CTCF: variants seen among roughly 807,000 people sequenced by gnomAD.
CTCF encodes transcriptional repressor CTCF.
In CTCF, 7 loss-of-function variants were observed where a neutral mutation model predicts 72.3. The observed-to-expected ratio is 0.10, with a 90% CI of 0.06 to 0.18. CTCF has a LOEUF of 0.18. CTCF is among the 10% of genes least tolerant of loss of function. CTCF has a pLI of 1.00. For synonymous variants in CTCF, 374 were observed against 315.8 expected (o/e 1.18, Z -1.95); for missense variants, 516 against 949.1 (o/e 0.54, Z 6.00).
chr16:67,622,954 G>A (rs141687429), intron 7 of CTCF, among the ~76,000 whole-genome samples: 1,726 of 140,730 alleles, frequency 0.012, 48 homozygotes, highest in African/African-American at 0.044. Flanking sequence ...GAGCCACCGC[G>A]CCCAGCCCTC....
intron 7 of CTCF, among the ~76,000 whole-genome samples, chr16:67,622,679 C>A (rs1397315608): frequency 1.4e-5 from 2 of 145,482 alleles, no homozygotes; most frequent in Non-Finnish European, 3.0e-5. Context: ...GTTTTCCTCT[C>A]GTCACCCAGG....
intron 2 of CTCF, among the ~76,000 whole-genome samples, chr16:67,588,306 A>T (rs778613992): frequency 2.6e-5 from 4 of 152,214 alleles, no homozygotes; most frequent in Non-Finnish European, 5.9e-5. Context: ...TAATACATTT[A>T]TTCAAGGTGA....
chr16:67,574,650 CTTTTTTTTTTTT>C lies in CTCF; in HGVS notation c.-10+3401_-10+3412del, dbSNP rs1162960134. Among the ~76,000 whole-genome samples the C allele has an allele frequency of 9.3e-5, 9 of 96,966 alleles. No homozygotes were observed. The South Asian group carries it at 1.5e-3, about 16-fold the overall frequency. The allele number at this position is 96,966 out of a possible 152,430, so 63.6% of individuals were successfully genotyped here. On this transcript the variant is annotated intron_variant, in intron 2 of 11. Coordinates refer to ENST00000264010, the MANE Select transcript of CTCF (RefSeq NM_006565.4). ...AACCACCACGCCCAGCCAAAAGCAT[CTTTTTTTTTTTT>C]TTTTTTTTTTTTTTGAGATGGAGTC...
intron 2 of CTCF, among the ~76,000 whole-genome samples, chr16:67,583,076 C>A (rs1286243976): frequency 1.3e-5 from 2 of 151,264 alleles, no homozygotes; most frequent in Non-Finnish European, 2.9e-5. Flanking sequence ...CCTCCGCCTC[C>A]CAGGTTCAAG....
intron 2 of CTCF, among the ~76,000 whole-genome samples, chr16:67,591,833 C>T (rs1047145665): frequency 1.3e-5 from 2 of 151,932 alleles, no homozygotes; most frequent in Admixed American, 6.6e-5. Flanking sequence ...GCCTCAGTCC[C>T]GAGTAGCTGG....
chr16:67,572,427 G>A (rs2051435686), intron 2 of CTCF: 1 of 152,174 alleles, frequency 6.6e-6, no homozygotes, highest in African/African-American at 2.4e-5. Flanking sequence ...CAAGTGTTAT[G>A]ACTAGCTTAA....
chr16:67,636,241 T>G (rs1161646203), intron 10 of CTCF, among the ~76,000 whole-genome samples: 1 of 152,018 alleles, frequency 6.6e-6, no homozygotes, highest in Non-Finnish European at 1.5e-5. Flanking sequence ...CCAGGTGTGG[T>G]GGCGTATGCC....
intron 10 of CTCF, among the ~76,000 whole-genome samples, chr16:67,631,058 TG>T (rs763228222): frequency 2.6e-5 from 4 of 152,160 alleles, no homozygotes; most frequent in Admixed American, 1.3e-4. Context: ...TTGCACTGGT[TG>T]TCAGTAGAAA....
chr16:67,630,701 G>A (rs1344174367), intron 10 of CTCF, among the ~76,000 whole-genome samples: 1 of 152,052 alleles, frequency 6.6e-6, no homozygotes, highest in Non-Finnish European at 1.5e-5. Context: ...GCTGCAGTGA[G>A]CTGTGATCAC....
rs2142826201 is a variant in CTCF, at chr16:67,611,426, G to A, written c.594G>A (p.Gln198=). Residue 198 remains glutamine, a synonymous_variant, in exon 3 of 12, where the codon CAG becomes CAA. Transcript: ENST00000264010. ...GTTGGCAAAAAGACCCAGACTATCA[G>A]CCACCAGCCAAAAAAACAAAGAAAA... ...DPSWQKDPDY[Q]PPAKKTKKTK... The A allele has an allele frequency of 1.9e-6, 3 of 1,614,094 alleles. No homozygotes were observed. The highest frequency in any genetic ancestry group is 1.6e-4 in the Middle Eastern group (1 of 6,062).
intron 1 of CTCF, among the ~76,000 whole-genome samples, chr16:67,566,976 A>G (rs933038434): frequency 4.6e-5 from 7 of 151,896 alleles, no homozygotes; most frequent in African/African-American, 1.7e-4. Flanking sequence ...CCCTGGCTCA[A>G]ATGATCCTGC....
intron 7 of CTCF, among the ~76,000 whole-genome samples, chr16:67,622,729 T>A (rs985875367): frequency 5.3e-5 from 8 of 150,654 alleles, no homozygotes; most frequent in South Asian, 4.2e-4. Context: ...CTGCCACCTG[T>A]GCCTCCCAGG....
intron 1 of CTCF, among the ~76,000 whole-genome samples, chr16:67,565,106 A>G (rs562397184): frequency 3.3e-5 from 5 of 151,980 alleles, no homozygotes; most frequent in Admixed American, 3.3e-4. Flanking sequence ...GATTCAAGCA[A>G]TTCTCCTGTC....
At chr16:67,617,748 T>C (rs991510139) in intron 5 of CTCF, among the ~76,000 whole-genome samples, 6 of 152,172 alleles carry the variant, frequency 3.9e-5, no homozygotes, top group African/African-American at 1.4e-4. Context: ...GAAAAAACTG[T>C]ACCCAGAGCA....
At chr16:67,589,326 A>G (rs190107363) in intron 2 of CTCF, among the ~76,000 whole-genome samples, 8 of 152,224 alleles carry the variant, frequency 5.3e-5, no homozygotes. Context: ...AATTATAATA[A>G]TATTAATTTG....
intron 2 of CTCF, among the ~76,000 whole-genome samples, chr16:67,584,337 CTTT>C (rs904086024): frequency 8.5e-5 from 9 of 105,842 alleles, no homozygotes; most frequent in Non-Finnish European, 1.1e-4. Flanking sequence ...AAAAAGTCTT[CTTT>C]TTTTTTTTTT....
At chr16:67,625,240 C>G (rs1163010421) in intron 7 of CTCF, among the ~76,000 whole-genome samples, 2 of 151,982 alleles carry the variant, frequency 1.3e-5, no homozygotes, top group Non-Finnish European at 2.9e-5. Context: ...GGCTAGAGTA[C>G]AGTGCAGTAG....
intron 1 of CTCF, among the ~76,000 whole-genome samples, chr16:67,566,084 G>A (rs1397846905): frequency 2.0e-5 from 3 of 152,082 alleles, no homozygotes; most frequent in African/African-American, 7.2e-5. Flanking sequence ...ACCTGTCTTG[G>A]CTCCAGATGA....
intron 2 of CTCF, among the ~76,000 whole-genome samples, chr16:67,603,779 C>T (rs554735426): frequency 6.7e-6 from 1 of 149,568 alleles, no homozygotes; most frequent in Non-Finnish European, 1.5e-5. Context: ...GAGCTGAGAT[C>T]GCGCCACTGC....
Sources: allele counts gnomAD v4.1 joint callset (sites outside exome capture counted in the v4.1 genomes callset), GRCh38; gene constraint gnomAD v4.1.1; transcripts MANE v1.5; gene names NCBI Gene and HGNC (gene_info 2026-07-23, HGNC 2026-07-21).